The following THRAP3 variants were observed in gnomAD, a reference collection of about 807,000 sequenced individuals.
THRAP3 encodes thyroid hormone receptor-associated protein 3.
A neutral mutation model predicts 101.0 loss-of-function variants in THRAP3; 16 were observed. The ratio of observed to expected loss-of-function variants is 0.16; its 90% CI spans 0.11 to 0.24. THRAP3 has a LOEUF of 0.24. Ranked by LOEUF, THRAP3 falls within the 10% of genes least tolerant of loss-of-function variation. THRAP3 has a pLI of 1.00. For synonymous variants in THRAP3, 407 were observed against 422.6 expected (o/e 0.96, Z 0.45); for missense variants, 989 against 1,202.7 (o/e 0.82, Z 2.63).
intron 2 of THRAP3, among the ~76,000 whole-genome samples, chr1:36,271,137 T>C (rs577217231): frequency 5.9e-4 from 90 of 152,348 alleles, no homozygotes; most frequent in African/African-American, 2.1e-3. Flanking sequence ...TGTATGTCCT[T>C]ATATAGATAT....
intron 9 of THRAP3, 86 bp from the exon 10 acceptor site, chr1:36,300,800 A>G: frequency 7.4e-7 from 1 of 1,343,432 alleles, no homozygotes; most frequent in Non-Finnish European, 1.0e-6. Flanking sequence ...CATACTTTTG[A>G]TTGCCCTGTG....
rs1193944492 is a variant in THRAP3, at chr1:36,304,607, G to A, written c.*590G>A. On this transcript the variant is annotated 3_prime_UTR_variant, in exon 12 of 12. Transcript: ENST00000354618. ...AACTGCTTGGATCTTTGTAAAAACC[G>A]GTTTTGTATGTCAAGGAGGAGTTTA... is the stretch of plus-strand genomic sequence containing the variant. 1.3e-5 allele frequency: 3 copies of A among 223,826 alleles called. No individual in the cohort carries two copies. The highest frequency in any genetic ancestry group is 1.8e-5 in the Non-Finnish European group (2 of 111,890). The allele number at this position is 223,826 out of a possible 1,614,324, so 13.9% of individuals were successfully genotyped here.
chr1:36,292,720 T>C lies in THRAP3; in HGVS notation c.2030+11T>C. The C allele has an allele frequency of 6.3e-7, 1 of 1,589,448 alleles. No individual in the cohort carries two copies. Among genetic ancestry groups the C allele is most frequent in the South Asian group, 1.1e-5 (1 of 89,226 alleles). ...CCCAGAGATACACAGGTAAGGACCA[T>C]GGCCTTATACTGGAGGTTGTAATAA... On this transcript the variant is annotated intron_variant, in intron 7 of 11. Transcript: ENST00000354618.
intron 2 of THRAP3, among the ~76,000 whole-genome samples, chr1:36,275,193 G>A (rs1355714492): frequency 6.6e-6 from 1 of 151,068 alleles, no homozygotes; most frequent in African/African-American, 2.4e-5. Context: ...GGGAGGCTGA[G>A]GCAGGAGAAT....
At chr1:36,237,860 C>T (rs911275122) in intron 1 of THRAP3, among the ~76,000 whole-genome samples, 9 of 152,094 alleles carry the variant, frequency 5.9e-5, no homozygotes, top group Non-Finnish European at 1.5e-5. Context: ...CTTGCTTTGT[C>T]ACCCAGGCCT....
At chr1:36,256,708 G>A (rs74527679) in intron 1 of THRAP3, among the ~76,000 whole-genome samples, 5,145 of 152,230 alleles carry the variant, frequency 0.034, 138 homozygotes, top group Middle Eastern at 0.085. Flanking sequence ...GAAAACCAAA[G>A]TCCTTACTTT....
rs140247865 is a variant in THRAP3 at position 36,300,915 on chromosome 1, G to C, written c.2333G>C (p.Arg778Thr). 1.2e-6 allele frequency: 2 copies of C among 1,613,708 alleles called. No homozygotes were observed. Among genetic ancestry groups the C allele is most frequent in the Non-Finnish European group, 1.7e-6 (2 of 1,179,944 alleles). Residue 778 changes from arginine to threonine, a missense_variant, in exon 10 of 12, where the codon AGA (arginine) becomes ACA (threonine). Physicochemically the swap from Arg to Thr is moderately conservative, Grantham distance 71. Coordinates refer to ENST00000354618, the MANE Select transcript of THRAP3 (RefSeq NM_005119.4). ...CATCGGAGAGCAAGAGACAGGTCCAGATCCTCCTCCTCTTCCTCCCAGTCA... is the reference window on the plus strand; with the variant it reads ...CATCGGAGAGCAAGAGACAGGTCCACATCCTCCTCCTCTTCCTCCCAGTCA... ...KKHRRARDRSRSSSSSSQSSH... is the reference protein window; with the variant it reads ...KKHRRARDRSTSSSSSSQSSH...
chr1:36,220,170 T>A (rs1644894900), upstream of THRAP3, among the ~76,000 whole-genome samples: 1 of 152,072 alleles, frequency 6.6e-6, no homozygotes, highest in African/African-American at 2.4e-5. Context: ...TTTTTTGTAT[T>A]TTTGTACAGA....
chr1:36,245,520 T>C (rs1289655700), intron 1 of THRAP3, among the ~76,000 whole-genome samples: 1 of 152,096 alleles, frequency 6.6e-6, no homozygotes, highest in Non-Finnish European at 1.5e-5. Flanking sequence ...TTAAATATGA[T>C]AGGTGCATGT....
At chr1:36,244,236 T>C (rs1185488804) in intron 1 of THRAP3, among the ~76,000 whole-genome samples, 1 of 152,246 alleles carries the variant, frequency 6.6e-6, no homozygotes, top group Non-Finnish European at 1.5e-5. Flanking sequence ...AATCATAATA[T>C]GGACATTTTG....
In THRAP3 at chr1:36,296,779, G is replaced by C. The variant is rs748074296; in HGVS notation, c.2303+9G>C. On this transcript the variant is annotated intron_variant, in intron 9 of 11. Coordinates refer to ENST00000354618, the MANE Select transcript of THRAP3 (RefSeq NM_005119.4). ...GGATCAAAGAAACAGAAGTACGTAA[G>C]CCCCTGTTACCCCTTCCAGACTCTT... 1 of 1,577,606 alleles carries C rather than the reference G, an allele frequency of 6.3e-7. No homozygotes were observed. Among genetic ancestry groups the C allele is most frequent in the Non-Finnish European group, 8.6e-7 (1 of 1,167,318 alleles).
chr1:36,241,932 A>T, intron 1 of THRAP3: 1 of 162,236 alleles, frequency 6.2e-6, no homozygotes, highest in Admixed American at 6.4e-5. Context: ...TGTGGAAGCT[A>T]CTTATTTTCT....
chr1:36,277,918 C>T (rs1570314392), intron 2 of THRAP3, among the ~76,000 whole-genome samples: 1 of 151,906 alleles, frequency 6.6e-6, no homozygotes, highest in Non-Finnish European at 1.5e-5. Context: ...TGCTGCCACA[C>T]CCAGCTAATT....
chr1:36,246,459 C>T (rs561182334), intron 1 of THRAP3, among the ~76,000 whole-genome samples: 1 of 152,302 alleles, frequency 6.6e-6, no homozygotes, highest in East Asian at 1.9e-4. Context: ...TCCCGAACTC[C>T]TGATCTCAAG....
chr1:36,218,331 GCAGTGAGCAGAGATTGCATCACT>G, the THRAP3 span, among the ~76,000 whole-genome samples: 1 of 143,094 alleles, frequency 7.0e-6, no homozygotes, highest in Non-Finnish European at 1.5e-5. Context: ...ATTGCATCAC[GCAGTGAGCAGAGATTGCATCACT>G]CAGTGAGCAG....
At chr1:36,230,624 A>G (rs1197217995) in intron 1 of THRAP3, among the ~76,000 whole-genome samples, 3 of 152,118 alleles carry the variant, frequency 2.0e-5, no homozygotes, top group Admixed American at 1.3e-4. Context: ...ATGTATACTC[A>G]TATCTTTTGT....
intron 1 of THRAP3, among the ~76,000 whole-genome samples, chr1:36,229,067 A>G (rs1261963622): frequency 1.3e-5 from 2 of 152,078 alleles, no homozygotes; most frequent in Non-Finnish European, 1.5e-5. Flanking sequence ...CCTTTCTAAA[A>G]GATTGACTTT....
intron 1 of THRAP3, among the ~76,000 whole-genome samples, chr1:36,256,771 C>T (rs994654327): frequency 7.2e-5 from 11 of 152,154 alleles, no homozygotes; most frequent in African/African-American, 2.7e-4. Flanking sequence ...CTACCAACAG[C>T]TCATTGGTAA....
At chr1:36,261,159 A>C (rs1275454282) in intron 2 of THRAP3, among the ~76,000 whole-genome samples, 1 of 152,186 alleles carries the variant, frequency 6.6e-6, no homozygotes, top group Admixed American at 6.6e-5. Context: ...GCACTTTGGG[A>C]GGCCGAGGAG....
Sources: allele counts gnomAD v4.1 joint callset (sites outside exome capture counted in the v4.1 genomes callset), GRCh38; gene constraint gnomAD v4.1.1; transcripts MANE v1.5; gene names NCBI Gene and HGNC (gene_info 2026-07-23, HGNC 2026-07-21).